CDH13: variants seen among roughly 807,000 people sequenced by gnomAD.
CDH13 encodes cadherin-13.
Under a neutral mutation model 63.8 loss-of-function variants are expected in CDH13, and 24 were observed. That is an observed-to-expected ratio of 0.38 (90% CI 0.27 to 0.53). The LOEUF (loss-of-function observed/expected upper bound fraction) is 0.53, where lower values mean the gene tolerates loss of function less well. Among genes scored for constraint, CDH13 ranks in the 20% least tolerant of loss-of-function variants. The pLI is 0.85. For synonymous variants in CDH13, 503 were observed against 355.3 expected, an observed-to-expected ratio of 1.42 and a Z score of -4.67; for missense variants, 1,049 against 903.1, an observed-to-expected ratio of 1.16 and a Z score of -2.07.
At chr16:82,928,425 A>G (rs1008303385) in intron 2 of CDH13, among the ~76,000 whole-genome samples, 1 of 152,178 alleles carries the variant, frequency 6.6e-6, no homozygotes, top group Non-Finnish European at 1.5e-5. Context: ...AAATTTTGAC[A>G]CAGACCATTA....
intron 11 of CDH13, among the ~76,000 whole-genome samples, chr16:83,757,987 G>A (rs1420526331): frequency 1.3e-5 from 2 of 151,828 alleles, no homozygotes; most frequent in East Asian, 1.9e-4. Flanking sequence ...AAATTAGCTG[G>A]GTATGGTGGT....
intron 5 of CDH13, among the ~76,000 whole-genome samples, chr16:83,240,670 T>A (rs866376339): frequency 0.16 from 1,646 of 10,272 alleles, 40 homozygotes; most frequent in African/African-American, 0.31. Context: ...CTTTTTTAAA[T>A]AGTAAAAAAA....
At chr16:83,149,511 A>C (rs77540914) in intron 4 of CDH13, among the ~76,000 whole-genome samples, 1 of 152,210 alleles carries the variant, frequency 6.6e-6, no homozygotes. Context: ...TTCCACAAGT[A>C]ATTCATGGAA....
At position 83,621,154 on chromosome 16, in the gene CDH13, A is replaced by C. The variant is rs574121638; in HGVS notation, c.1101+18560A>C. 4.6e-5 allele frequency among the ~76,000 whole-genome samples: 7 copies of C among 152,200 alleles called. No individual in the cohort carries two copies. The South Asian group carries it at 1.5e-3, about 32-fold the overall frequency. ...ACCCAGGCTCCAGACCCCAACTCTC[A>C]ACCCTCTGCTAAGCTGCTTCTGTCC... On this transcript the variant is annotated intron_variant, in intron 8 of 13. Transcript: ENST00000567109.
chr16:82,848,569 A>T (rs1289518870), intron 1 of CDH13, among the ~76,000 whole-genome samples: 14 of 121,412 alleles, frequency 1.2e-4, no homozygotes, highest in African/African-American at 4.2e-4. Context: ...TACTATTGTG[A>T]TTTTTTTTTT....
At chr16:83,441,897 A>G (rs1234514577) in intron 6 of CDH13, among the ~76,000 whole-genome samples, 3 of 152,196 alleles carry the variant, frequency 2.0e-5, no homozygotes, top group Non-Finnish European at 2.9e-5. Flanking sequence ...ATTTTTAAAT[A>G]TAGAAGTTCA....
chr16:83,407,475 C>CT (rs1215910693), intron 6 of CDH13, among the ~76,000 whole-genome samples: 1 of 152,102 alleles, frequency 6.6e-6, no homozygotes. Flanking sequence ...GCTCAGCCTG[C>CT]TTTTTTTCAG....
intron 7 of CDH13, among the ~76,000 whole-genome samples, chr16:83,499,296 A>T (rs1340109253): frequency 6.6e-6 from 1 of 152,258 alleles, no homozygotes; most frequent in African/African-American, 2.4e-5. Context: ...CTTTGTTTAT[A>T]CACGTAGAGC....
At chr16:83,490,584 T>C (rs1387373) in intron 7 of CDH13, among the ~76,000 whole-genome samples, 104,587 of 152,098 alleles carry the variant, frequency 0.69, 36,926 homozygotes, top group East Asian at 0.89. Context: ...GCCTATCTGC[T>C]TGCACTCACC....
At chr16:83,110,791 A>T (rs550296681) in intron 3 of CDH13, among the ~76,000 whole-genome samples, 5 of 152,018 alleles carry the variant, frequency 3.3e-5, no homozygotes, top group African/African-American at 1.2e-4. Flanking sequence ...AAGGTGTGAC[A>T]GTTACAAGGG....
intron 5 of CDH13, among the ~76,000 whole-genome samples, chr16:83,340,689 T>C (rs1225405842): frequency 6.6e-6 from 1 of 152,194 alleles, no homozygotes; most frequent in Non-Finnish European, 1.5e-5. Context: ...ATGCCAATGC[T>C]GCTGGCTTGG....
At chr16:83,328,917 A>G (rs2090425964) in intron 5 of CDH13, among the ~76,000 whole-genome samples, 1 of 152,200 alleles carries the variant, frequency 6.6e-6, no homozygotes, top group South Asian at 2.1e-4. Flanking sequence ...GGTTCTGATT[A>G]TTTGTGCTGC....
intron 7 of CDH13, among the ~76,000 whole-genome samples, chr16:83,560,533 G>GT (rs567250389): frequency 6.5e-4 from 99 of 152,206 alleles, no homozygotes; most frequent in African/African-American, 2.3e-3. Context: ...GGATTGGTGT[G>GT]GTATTAGACA....
chr16:83,306,742 C>A (rs976018705), intron 5 of CDH13, among the ~76,000 whole-genome samples: 1 of 152,164 alleles, frequency 6.6e-6, no homozygotes, highest in South Asian at 2.1e-4. Context: ...TATGAGGACT[C>A]TTGCAAGCCA....
chr16:83,778,912 T>C (rs898178672), intron 11 of CDH13, among the ~76,000 whole-genome samples: 1 of 152,226 alleles, frequency 6.6e-6, no homozygotes, highest in African/African-American at 2.4e-5. Context: ...TGGCCATCTC[T>C]CACGGAGACT....
chr16:82,805,689 A>G (rs891909752), intron 1 of CDH13, among the ~76,000 whole-genome samples: 2 of 152,022 alleles, frequency 1.3e-5, no homozygotes, highest in African/African-American at 2.4e-5. Flanking sequence ...CTGATTTAGA[A>G]CCCTTCTCAT....
intron 1 of CDH13, among the ~76,000 whole-genome samples, chr16:82,684,888 C>T (rs139176605): frequency 4.0e-4 from 60 of 151,572 alleles, no homozygotes; most frequent in African/African-American, 1.3e-3. Flanking sequence ...GGACAAACAA[C>T]TTGGGTATTC....
chr16:82,794,879 C>T (rs532860897), intron 1 of CDH13, among the ~76,000 whole-genome samples: 22 of 152,268 alleles, frequency 1.4e-4, no homozygotes, highest in South Asian at 1.2e-3. Context: ...TTTTACCTCC[C>T]TCACTGGCAC....
chr16:82,802,845 C>A (rs942120939), intron 1 of CDH13, among the ~76,000 whole-genome samples: 1 of 152,130 alleles, frequency 6.6e-6, no homozygotes, highest in East Asian at 1.9e-4. Flanking sequence ...AGCGCTTTTC[C>A]AACAGTCACA....
Sources: allele counts gnomAD v4.1 joint callset (sites outside exome capture counted in the v4.1 genomes callset), GRCh38; gene constraint gnomAD v4.1.1; transcripts MANE v1.5; gene names NCBI Gene and HGNC (gene_info 2026-07-23, HGNC 2026-07-21).